Variants in HS6ST3 observed in about 807,000 individuals in gnomAD.
The protein encoded by HS6ST3 is heparan sulfate 6-O-sulfotransferase 3.
Under a neutral mutation model 36.7 loss-of-function variants are expected in HS6ST3, and 12 were observed. The observed-to-expected ratio is 0.33, with a 90% CI of 0.21 to 0.53. HS6ST3 has a LOEUF of 0.53. Ranked by LOEUF, HS6ST3 falls within the 20% of genes least tolerant of loss-of-function variation. The probability of loss-of-function intolerance (pLI) is 0.95; values close to 1 mark genes in which losing one functional copy is unlikely to be tolerated. For missense variants in HS6ST3, 584 were observed against 640.9 expected (o/e 0.91, Z 0.96); for synonymous variants, 240 against 257.5 (o/e 0.93, Z 0.65).
chr13:96,096,098 G>T (rs2053789546), intron 1 of HS6ST3, among the ~76,000 whole-genome samples: 1 of 151,876 alleles, frequency 6.6e-6, no homozygotes, highest in Non-Finnish European at 1.5e-5. Context: ...TGCAGCATCT[G>T]GAAACCATGT....
intron 1 of HS6ST3, among the ~76,000 whole-genome samples, chr13:96,159,065 G>A (rs2054124114): frequency 6.6e-6 from 1 of 152,218 alleles, no homozygotes; most frequent in Non-Finnish European, 1.5e-5. Context: ...ATGTTTGTGT[G>A]CTGACAGCAA....
At chr13:96,795,481 C>G (rs1380439824) in intron 1 of HS6ST3, among the ~76,000 whole-genome samples, 2 of 152,006 alleles carry the variant, frequency 1.3e-5, no homozygotes, top group African/African-American at 4.8e-5. Context: ...GTGGCGGAAG[C>G]AGGATTTGAA....
At chr13:96,210,629 T>G (rs2054394422) in intron 1 of HS6ST3, among the ~76,000 whole-genome samples, 1 of 151,912 alleles carries the variant, frequency 6.6e-6, no homozygotes, top group African/African-American at 2.4e-5. Context: ...TCACTCACTC[T>G]GTTGCCCAGG....
chr13:96,279,448 T>C (rs1261029285), intron 1 of HS6ST3, among the ~76,000 whole-genome samples: 2 of 152,172 alleles, frequency 1.3e-5, no homozygotes, highest in Admixed American at 1.3e-4. Flanking sequence ...AACAAATAGC[T>C]ATATAAATTA....
At chr13:96,444,363 G>T (rs1213765781) in intron 1 of HS6ST3, among the ~76,000 whole-genome samples, 1 of 152,132 alleles carries the variant, frequency 6.6e-6, no homozygotes, top group Non-Finnish European at 1.5e-5. Flanking sequence ...CACTAACTGG[G>T]TATTTTGGAA....
Position 96,137,154 on chromosome 13 carries a change from T to TCCACCC in HS6ST3, c.707+45601_707+45606dup, listed in dbSNP as rs1378678288. 3.3e-5 allele frequency among the ~76,000 whole-genome samples: 4 copies of TCCACCC among 121,388 alleles called. No individual in the cohort carries two copies. In the East Asian group the frequency reaches 8.7e-4, roughly 26 times the overall value. 79.6% of individuals were successfully genotyped at this position (121,388 alleles called of 152,430 possible). On this transcript the variant is annotated intron_variant, in intron 1 of 1. Coordinates refer to ENST00000376705, the MANE Select transcript of HS6ST3 (RefSeq NM_153456.4). ...TGCCCCCTTTTAATTGATTTCTTCC[T>TCCACCC]CCACCCCCACCCCCACCCCCATTTA...
At chr13:96,658,927 C>T (rs771977581) in intron 1 of HS6ST3, among the ~76,000 whole-genome samples, 2 of 151,358 alleles carry the variant, frequency 1.3e-5, no homozygotes, top group East Asian at 2.0e-4. Context: ...TGGTTGGTAT[C>T]GAACTCCTGA....
chr13:96,273,170 A>G (rs986409778), intron 1 of HS6ST3, among the ~76,000 whole-genome samples: 1 of 151,996 alleles, frequency 6.6e-6, no homozygotes, highest in Non-Finnish European at 1.5e-5. Flanking sequence ...TCGCCAAATA[A>G]TGCAAGTTCT....
intron 1 of HS6ST3, among the ~76,000 whole-genome samples, chr13:96,141,709 A>G (rs2054032729): frequency 6.6e-6 from 1 of 152,030 alleles, no homozygotes; most frequent in South Asian, 2.1e-4. Context: ...GAAGGTTCCA[A>G]AGTGATCGAC....
At chr13:96,630,194 A>C (rs1448148645) in intron 1 of HS6ST3, among the ~76,000 whole-genome samples, 1 of 151,982 alleles carries the variant, frequency 6.6e-6, no homozygotes, top group African/African-American at 2.4e-5. Context: ...TAACATATGA[A>C]GTATTTGTAG....
At chr13:96,621,304 G>A (rs1453468127) in intron 1 of HS6ST3, among the ~76,000 whole-genome samples, 2 of 152,126 alleles carry the variant, frequency 1.3e-5, no homozygotes, top group Non-Finnish European at 2.9e-5. Flanking sequence ...TGGATCATGG[G>A]GGCAGTTTCT....
chr13:96,364,748 TA>T (rs2055255254), intron 1 of HS6ST3, among the ~76,000 whole-genome samples: 1 of 152,152 alleles, frequency 6.6e-6, no homozygotes. Context: ...TAAAAATAAT[TA>T]AAATCTCAAG....
At chr13:96,786,430 A>G (rs1877651823) in intron 1 of HS6ST3, among the ~76,000 whole-genome samples, 2 of 152,260 alleles carry the variant, frequency 1.3e-5, no homozygotes, top group East Asian at 3.9e-4. Context: ...ATGTCAAACC[A>G]TCTGCTTTAT....
chr13:96,643,122 T>G (rs1421386523), intron 1 of HS6ST3, among the ~76,000 whole-genome samples: 1 of 152,000 alleles, frequency 6.6e-6, no homozygotes, highest in African/African-American at 2.4e-5. Flanking sequence ...CTGTGTTCTT[T>G]TTGTGTGTGG....
intron 1 of HS6ST3, among the ~76,000 whole-genome samples, chr13:96,229,461 C>G (rs554363157): frequency 2.6e-5 from 4 of 152,312 alleles, no homozygotes; most frequent in African/African-American, 9.6e-5. Flanking sequence ...AGTGAGGGCT[C>G]TCTTCCTGGC....
chr13:96,658,292 T>TG (rs2056633728), intron 1 of HS6ST3, among the ~76,000 whole-genome samples: 3 of 111,260 alleles, frequency 2.7e-5, no homozygotes, highest in African/African-American at 1.1e-4. Flanking sequence ...TTTTTTTTTT[T>TG]TTTTTTGAGA....
rs547975729 is a variant in HS6ST3 at position 96,772,241 on chromosome 13, CCA to C, written c.708-60248_708-60247del. Among the ~76,000 whole-genome samples, 148 of 152,288 alleles carry C rather than the reference CCA, an allele frequency of 9.7e-4. 2 individuals are homozygous for C. In the South Asian group the frequency reaches 0.029, roughly 30 times the overall value. ...GCTGCCTCGGGCCTCCTGCCCATTC[CCA>C]GTCTGGAGATGCATCTTTGAGAGTC... On this transcript the variant is annotated intron_variant, in intron 1 of 1. Transcript: ENST00000376705.
At chr13:96,776,885 C>T (rs1252891944) in intron 1 of HS6ST3, among the ~76,000 whole-genome samples, 1 of 151,850 alleles carries the variant, frequency 6.6e-6, no homozygotes, top group East Asian at 1.9e-4. Context: ...AGAGTCACAA[C>T]AAAAAAAGAA....
chr13:96,571,823 C>G (rs1219978172), intron 1 of HS6ST3, among the ~76,000 whole-genome samples: 1 of 152,154 alleles, frequency 6.6e-6, no homozygotes, highest in Non-Finnish European at 1.5e-5. Context: ...TACCTCATAA[C>G]AAGAAGGATT....
Sources: gnomAD v4.1 joint callset for allele counts (sites outside exome capture counted in the v4.1 genomes callset) on GRCh38, gnomAD v4.1.1 for gene constraint, MANE v1.5 for transcripts, NCBI Gene and HGNC (gene_info 2026-07-23, HGNC 2026-07-21) for gene names.